RUNX1T1: variants seen among roughly 807,000 people sequenced by gnomAD.
RUNX1T1 encodes the protein RUNX1 partner transcriptional co-repressor 1.
Under a neutral mutation model 62.8 loss-of-function variants are expected in RUNX1T1, and 4 were observed. The ratio of observed to expected loss-of-function variants is 0.06; its 90% CI spans 0.03 to 0.15. The LOEUF is 0.15. RUNX1T1 is among the 10% of genes least tolerant of loss of function. The probability of loss-of-function intolerance (pLI) is 1.00; values close to 1 mark genes in which losing one functional copy is unlikely to be tolerated. For synonymous variants in RUNX1T1, 291 were observed against 286.0 expected (o/e 1.02, Z -0.18); for missense variants, 508 against 754.3 (o/e 0.67, Z 3.82).
chr8:91,986,026 T>A, intron 8 of RUNX1T1, 98 bp downstream of exon 9: 1 of 870,062 alleles, frequency 1.1e-6, no homozygotes, highest in East Asian at 2.4e-5. Flanking sequence ...TGTCTTAAAA[T>A]TCCTTGCATA....
At chr8:91,994,739 A>T (rs1171802354) in intron 5 of RUNX1T1, 2 of 387,882 alleles carry the variant, frequency 5.2e-6, no homozygotes, top group Admixed American at 6.4e-5. Flanking sequence ...CAAGATTTAA[A>T]GTGCCAGAGG....
intron 1 of RUNX1T1, among the ~76,000 whole-genome samples, chr8:92,061,115 A>G (rs2130588709): frequency 6.6e-6 from 1 of 152,360 alleles, no homozygotes; most frequent in East Asian, 1.9e-4. Context: ...AGAAGTAGCA[A>G]GGGTCCTAAC....
At chr8:91,977,852 G>A (rs554059152) in intron 8 of RUNX1T1, among the ~76,000 whole-genome samples, 1 of 152,104 alleles carries the variant, frequency 6.6e-6, no homozygotes, top group African/African-American at 2.4e-5. Flanking sequence ...GCAGTGGCAC[G>A]ATCACAGCTC....
intron 1 of RUNX1T1, among the ~76,000 whole-genome samples, chr8:92,019,579 G>A (rs951484059): frequency 2.0e-5 from 3 of 152,094 alleles, no homozygotes; most frequent in Non-Finnish European, 4.4e-5. Flanking sequence ...GGACCTTAAT[G>A]TGCACAGCCC....
intron 6 of RUNX1T1, among the ~76,000 whole-genome samples, chr8:91,989,246 A>G (rs1817181606): frequency 6.6e-6 from 1 of 152,330 alleles, no homozygotes; most frequent in African/African-American, 2.4e-5. Context: ...AAATCGTACC[A>G]GACTAAGTAT....
At chr8:91,957,741 G>A (rs1426208989), downstream of RUNX1T1, 2 of 225,652 alleles carry the variant, frequency 8.9e-6, no homozygotes. Flanking sequence ...GTCACAAGCA[G>A]ACTAGAAAGC....
chr8:92,069,997 A>G (rs1833442880), intron 2 of RUNX1T1, among the ~76,000 whole-genome samples: 1 of 152,166 alleles, frequency 6.6e-6, no homozygotes, highest in African/African-American at 2.4e-5. Flanking sequence ...AGAGTAATTC[A>G]CTGCCTCCGA....
intron 1 of RUNX1T1, among the ~76,000 whole-genome samples, chr8:92,082,408 C>T (rs575569473): frequency 1.1e-4 from 17 of 152,176 alleles, no homozygotes; most frequent in African/African-American, 3.4e-4. Flanking sequence ...GACCTTGCCC[C>T]GTCATGTGCA....
exon 11 of RUNX1T1, chr8:91,959,970 A>G (rs1390613932): frequency 6.4e-6 from 3 of 467,002 alleles, no homozygotes; most frequent in African/African-American, 3.8e-5. Flanking sequence ...GGTCAAATCT[A>G]TCATTTCATG....
At chr8:92,005,022 T>C in intron 5 of RUNX1T1, 94 bp downstream of exon 6, 2 of 1,083,896 alleles carry the variant, frequency 1.8e-6, no homozygotes, top group Admixed American at 2.5e-5. Context: ...AAGAATGACA[T>C]AGGCCAGCGG....
intron 10 of RUNX1T1, among the ~76,000 whole-genome samples, chr8:91,970,315 C>T (rs1586736471): frequency 1.3e-5 from 2 of 152,198 alleles, no homozygotes; most frequent in African/African-American, 2.4e-5. Context: ...CTATTAAATC[C>T]CTTCAATTGG....
At chr8:92,095,326 T>G (rs1394137448) in intron 1 of RUNX1T1, 1 of 1,530,562 alleles carries the variant, frequency 6.5e-7, no homozygotes, top group Non-Finnish European at 8.7e-7. Flanking sequence ...CTCGCCTCCC[T>G]CCCCTGTTCA....
intron 1 of RUNX1T1, among the ~76,000 whole-genome samples, chr8:92,076,382 C>T (rs1313151343): frequency 6.6e-6 from 1 of 152,120 alleles, no homozygotes; most frequent in African/African-American, 2.4e-5. Flanking sequence ...GATACATTCT[C>T]ACCCTGAAAG....
At chr8:92,100,332 C>G (rs1837976793), upstream of RUNX1T1, among the ~76,000 whole-genome samples, 1 of 152,112 alleles carries the variant, frequency 6.6e-6, no homozygotes, top group Admixed American at 6.5e-5. Context: ...AAACTGGACA[C>G]TGGAGAAACT....
intron 1 of RUNX1T1, among the ~76,000 whole-genome samples, chr8:92,092,920 T>C (rs1242483260): frequency 6.6e-6 from 1 of 152,194 alleles, no homozygotes; most frequent in Non-Finnish European, 1.5e-5. Context: ...TGCAGTAGCT[T>C]CCAAATTATA....
At chr8:92,053,415 C>A (rs1278051814) in intron 1 of RUNX1T1, among the ~76,000 whole-genome samples, 3 of 152,078 alleles carry the variant, frequency 2.0e-5, no homozygotes, top group Admixed American at 2.0e-4. Context: ...ATGAAAATGC[C>A]CAGGTGGAGG....
At chr8:92,062,510 G>C in intron 1 of RUNX1T1, 1 of 1,607,824 alleles carries the variant, frequency 6.2e-7, no homozygotes, top group Non-Finnish European at 8.5e-7. Flanking sequence ...TTCTTCATTG[G>C]AAAAACAGAG....
rs949055906 is a variant in RUNX1T1 at position 92,017,308 on chromosome 8, T to C, written c.63A>G (p.Gln21=). The C allele has an allele frequency of 6.2e-6, 10 of 1,613,972 alleles. No homozygotes were observed. The African/African-American group carries it at 8.0e-5, about 13-fold the overall frequency. The change falls in exon 2 of 11, where the codon CAA becomes CAG. Residue 21 remains glutamine (Q), a synonymous_variant. Coordinates refer to ENST00000396218, the Ensembl canonical transcript of RUNX1T1. ...GCATTGTTGGAGGAGTCAGCCTAGATTGCGTCTTCACATCCACAGGTGAGT... is the reference window on the plus strand; with the variant it reads ...GCATTGTTGGAGGAGTCAGCCTAGACTGCGTCTTCACATCCACAGGTGAGT...
At chr8:92,033,300 C>A (rs1826603715) in intron 1 of RUNX1T1, among the ~76,000 whole-genome samples, 1 of 152,106 alleles carries the variant, frequency 6.6e-6, no homozygotes, top group Non-Finnish European at 1.5e-5. Flanking sequence ...TATACTACTA[C>A]CACATGGGGG....
Sources: gnomAD v4.1 joint callset for allele counts (sites outside exome capture counted in the v4.1 genomes callset) on GRCh38, gnomAD v4.1.1 for gene constraint, MANE v1.5 for transcripts, NCBI Gene and HGNC (gene_info 2026-07-23, HGNC 2026-07-21) for gene names.